CALM2: variants seen among roughly 807,000 people sequenced by gnomAD.
CALM2 encodes calmodulin-2.
A neutral mutation model predicts 19.8 loss-of-function variants in CALM2; 2 were observed. The ratio of observed to expected loss-of-function variants is 0.10; its 90% CI spans 0.04 to 0.32. The LOEUF is 0.32. Ranked by LOEUF, CALM2 falls within the 10% of genes least tolerant of loss-of-function variation. The pLI is 1.00. For synonymous variants in CALM2, 51 were observed against 52.1 expected (o/e 0.98, Z 0.09); for missense variants, 38 against 178.7 (o/e 0.21, Z 4.49).
At chr2:47,176,921 C>G, upstream of CALM2, 2 of 985,460 alleles carry the variant, frequency 2.0e-6, no homozygotes, top group Non-Finnish European at 2.4e-6. Context: ...GCTCGGGCCG[C>G]GCTGTCCTGG....
chr2:47,176,326 C>G (rs1046537054), intron 1 of CALM2, 115 bp downstream of exon 1: 2 of 1,318,576 alleles, frequency 1.5e-6, no homozygotes, highest in Non-Finnish European at 2.1e-6. Context: ...CGCCATCCCT[C>G]TGGCAGAAAC....
upstream of CALM2, chr2:47,176,828 C>T: frequency 1.0e-6 from 1 of 985,446 alleles, no homozygotes; most frequent in Middle Eastern, 5.2e-4. Flanking sequence ...TTGAGCCTGC[C>T]TCTGATTGGC....
At chr2:47,163,613 G>T (rs1200087485) in intron 2 of CALM2, 1 of 152,014 alleles carries the variant, frequency 6.6e-6, no homozygotes, top group Non-Finnish European at 1.5e-5. Context: ...TCTATTTTTA[G>T]TAGAGATGGG....
chr2:47,171,172 G>T, intron 1 of CALM2: 1 of 146,128 alleles, frequency 6.8e-6, no homozygotes, highest in Non-Finnish European at 1.5e-5. Context: ...AAATTAAAGT[G>T]ATTAAAAAAA....
intron 4 of CALM2, 96 bp downstream of exon 4, chr2:47,162,190 A>AC: frequency 2.1e-6 from 1 of 479,120 alleles, no homozygotes; most frequent in Non-Finnish European, 3.5e-6. Flanking sequence ...AAAAAAAAAA[A>AC]AAAAAAAAAA....
intron 1 of CALM2, 133 bp downstream of exon 1, chr2:47,176,308 C>G (rs2103858482): frequency 8.9e-7 from 1 of 1,119,326 alleles, no homozygotes; most frequent in Admixed American, 2.3e-5. Context: ...CATCCCTGGC[C>G]TCTTTCGCGC....
At chr2:47,162,217 AGTCTT>A in intron 4 of CALM2, 64 bp downstream of exon 4, 1 of 634,362 alleles carries the variant, frequency 1.6e-6, no homozygotes, top group Non-Finnish European at 2.5e-6. Context: ...AAAAAACACA[AGTCTT>A]CATAATGAGT....
At chr2:47,161,695 G>GA in intron 5 of CALM2, 28 bp downstream of exon 5, 1 of 1,587,450 alleles carries the variant, frequency 6.3e-7, no homozygotes, top group Non-Finnish European at 8.6e-7. Context: ...TCAAAGTGAA[G>GA]AATGAGGCGT....
intron 1 of CALM2, chr2:47,172,497 T>C: frequency 8.2e-7 from 1 of 1,219,606 alleles, no homozygotes; most frequent in Non-Finnish European, 1.1e-6. Context: ...TCATATAAAT[T>C]AACAAAGAAC....
chr2:47,169,254 T>TA (rs1163984548), intron 2 of CALM2, among the ~76,000 whole-genome samples: 1 of 152,142 alleles, frequency 6.6e-6, no homozygotes, highest in East Asian at 1.9e-4. Flanking sequence ...GTGAAAGTAT[T>TA]AGACAGCCTG....
intron 1 of CALM2, among the ~76,000 whole-genome samples, chr2:47,175,606 G>A (rs778256747): frequency 6.6e-6 from 1 of 152,152 alleles, no homozygotes; most frequent in Non-Finnish European, 1.5e-5. Context: ...GGCCTGGGTG[G>A]TGGAAGACGC....
intron 1 of CALM2, among the ~76,000 whole-genome samples, chr2:47,175,922 G>A (rs1372136966): frequency 6.6e-6 from 1 of 150,606 alleles, no homozygotes; most frequent in Non-Finnish European, 1.5e-5. Flanking sequence ...CGGAGGACGC[G>A]GGCTAACTGC....
At chr2:47,161,994 G>C (rs2103824139) in intron 4 of CALM2, 136 bp from the exon 5 acceptor site, 1 of 737,524 alleles carries the variant, frequency 1.4e-6, no homozygotes, top group Non-Finnish European at 2.2e-6. Flanking sequence ...CTACACAGTT[G>C]ACCTACAAAT....
chr2:47,166,855 T>C (rs369783311), intron 2 of CALM2, among the ~76,000 whole-genome samples: 1 of 152,166 alleles, frequency 6.6e-6, no homozygotes, highest in East Asian at 1.9e-4. Flanking sequence ...AGCTATCTTC[T>C]ACATAATTGA....
intron 1 of CALM2, chr2:47,174,188 AAG>A (rs1666769761): frequency 6.6e-6 from 1 of 152,200 alleles, no homozygotes; most frequent in Non-Finnish European, 1.5e-5. Flanking sequence ...ATGTAAACTC[AAG>A]AGTTACATGA....
chr2:47,173,239 TC>T (rs1666733859), intron 1 of CALM2: 1 of 152,222 alleles, frequency 6.6e-6, no homozygotes, highest in Non-Finnish European at 1.5e-5. Flanking sequence ...ATTTGGTTCT[TC>T]CTTGTTTCCA....
intron 5 of CALM2, 115 bp from the exon 6 acceptor site, chr2:47,160,919 C>A: frequency 1.6e-6 from 1 of 612,648 alleles, no homozygotes; most frequent in South Asian, 2.3e-5. Flanking sequence ...TCCTCTCTTT[C>A]CTCAGAATTA....
chr2:47,163,803 GC>G (rs1043979773), intron 2 of CALM2: 1 of 152,220 alleles, frequency 6.6e-6, no homozygotes, highest in Non-Finnish European at 1.5e-5. Flanking sequence ...AGACTACCTG[GC>G]TTCATTCACC....
At chr2:47,171,980 A>AT (rs1193807518) in intron 1 of CALM2, 1 of 63,014 alleles carries the variant, frequency 1.6e-5, no homozygotes, top group African/African-American at 6.8e-5. Flanking sequence ...AATCAAATTC[A>AT]TTAAAAAAAA....
Sources: gnomAD v4.1 joint callset for allele counts (sites outside exome capture counted in the v4.1 genomes callset) on GRCh38, gnomAD v4.1.1 for gene constraint, MANE v1.5 for transcripts, NCBI Gene and HGNC (gene_info 2026-07-23, HGNC 2026-07-21) for gene names.